APP: variants seen among roughly 807,000 people sequenced by gnomAD.
APP encodes the protein amyloid-beta precursor protein.
APP carries 31 observed loss-of-function variants against 101.4 expected under a neutral mutation model. The observed-to-expected ratio is 0.31, with a 90% CI of 0.23 to 0.41. APP has a LOEUF of 0.41. APP is among the 10% of genes least tolerant of loss of function. The probability of loss-of-function intolerance (pLI) is 1.00; values close to 1 mark genes in which losing one functional copy is unlikely to be tolerated. For missense variants in APP, 839 were observed against 1,003.7 expected (o/e 0.84, Z 2.22); for synonymous variants, 366 against 364.4 (o/e 1.00, Z -0.05).
intron 1 of APP, among the ~76,000 whole-genome samples, chr21:26,161,737 C>T (rs1369576490): frequency 6.6e-6 from 1 of 152,114 alleles, no homozygotes; most frequent in Non-Finnish European, 1.5e-5. Flanking sequence ...ACTGTAATGA[C>T]AAAATTATAT....
At chr21:26,147,933 A>G (rs1196759992) in intron 1 of APP, among the ~76,000 whole-genome samples, 2 of 152,222 alleles carry the variant, frequency 1.3e-5, no homozygotes, top group African/African-American at 4.8e-5. Flanking sequence ...ATGAAATTTA[A>G]GAGCCACCTG....
chr21:26,056,444 TCTTA>T (rs2046044927), intron 3 of APP, among the ~76,000 whole-genome samples: 1 of 152,190 alleles, frequency 6.6e-6, no homozygotes, highest in South Asian at 2.1e-4. Flanking sequence ...AGGATGTTAC[TCTTA>T]CTTTCATCTG....
intron 1 of APP, among the ~76,000 whole-genome samples, chr21:26,160,113 T>G (rs944799752): frequency 1.3e-5 from 2 of 152,092 alleles, no homozygotes; most frequent in African/African-American, 2.4e-5. Context: ...AGCCAAATAC[T>G]CACATGGCTA....
At chr21:26,092,334 C>G (rs2061842100) in intron 2 of APP, among the ~76,000 whole-genome samples, 1 of 152,172 alleles carries the variant, frequency 6.6e-6, no homozygotes, top group Non-Finnish European at 1.5e-5. Flanking sequence ...TGTCATTCAA[C>G]ACTAAAAGGA....
At chr21:26,015,393 T>A (rs982121970) in intron 6 of APP, among the ~76,000 whole-genome samples, 15 of 152,180 alleles carry the variant, frequency 9.9e-5, no homozygotes, top group African/African-American at 3.6e-4. Context: ...GGATAGGTCT[T>A]ATTAATCCCT....
intron 1 of APP, among the ~76,000 whole-genome samples, chr21:26,124,261 T>A (rs551323702): frequency 1.3e-5 from 2 of 152,286 alleles, no homozygotes; most frequent in South Asian, 4.1e-4. Context: ...AGGAGAGTAA[T>A]TTCCTAACAG....
At chr21:26,136,506 G>C (rs1601549519) in intron 1 of APP, among the ~76,000 whole-genome samples, 1 of 152,018 alleles carries the variant, frequency 6.6e-6, no homozygotes, top group African/African-American at 2.4e-5. Flanking sequence ...TGAAATTTGA[G>C]GTATAAGACT....
intron 13 of APP, among the ~76,000 whole-genome samples, chr21:25,953,926 C>T (rs2041200539): frequency 6.6e-6 from 1 of 152,146 alleles, no homozygotes; most frequent in African/African-American, 2.4e-5. Flanking sequence ...ATGCATGAGA[C>T]CTCTCTGTAC....
At chr21:25,903,313 G>A (rs983792964) in intron 15 of APP, among the ~76,000 whole-genome samples, 4 of 147,534 alleles carry the variant, frequency 2.7e-5, no homozygotes, top group African/African-American at 1.0e-4. Context: ...AGGTTGCAGT[G>A]AGTTGAGATC....
intron 1 of APP, among the ~76,000 whole-genome samples, chr21:26,160,737 C>T (rs1271956891): frequency 2.0e-5 from 3 of 152,094 alleles, no homozygotes; most frequent in Non-Finnish European, 2.9e-5. Flanking sequence ...TACACATTTT[C>T]TTTCCAAACT....
chr21:26,148,663 G>A (rs2063202815), intron 1 of APP, among the ~76,000 whole-genome samples: 2 of 152,228 alleles, frequency 1.3e-5, no homozygotes, highest in African/African-American at 4.8e-5. Flanking sequence ...TCCCAGGAGG[G>A]ATGAAGGGTG....
At chr21:25,955,940 G>T (rs1003079915) in intron 11 of APP, among the ~76,000 whole-genome samples, 185 bp from the exon 12 acceptor site, 2 of 152,054 alleles carry the variant, frequency 1.3e-5, no homozygotes, top group African/African-American at 2.4e-5. Flanking sequence ...ACTTAGATCG[G>T]CTGCTTTTCA....
chr21:26,133,404 T>C (rs1249537922), intron 1 of APP, among the ~76,000 whole-genome samples: 1 of 152,218 alleles, frequency 6.6e-6, no homozygotes, highest in African/African-American at 2.4e-5. Context: ...ATGTCTGAAT[T>C]ATTCACAATT....
At position 26,045,605 on chromosome 21, in the gene APP, G is replaced by A. The variant is rs141094725; in HGVS notation, c.662+5395C>T. 3.8e-3 allele frequency among the ~76,000 whole-genome samples: 575 copies of A among 152,196 alleles called. 5 individuals carry two copies. Among genetic ancestry groups the A allele is most frequent in the African/African-American group, 0.013 (547 of 41,514 alleles). ...TGTTTACCAAATAATCTAAAAATAT[G>A]AAACAATAATAATATAAACGGCCCA... On this transcript the variant is annotated intron_variant, in intron 5 of 17. Coordinates refer to ENST00000346798, the MANE Select transcript of APP (RefSeq NM_000484.4).
intron 3 of APP, among the ~76,000 whole-genome samples, chr21:26,072,498 C>T (rs1039551264): frequency 8.5e-5 from 13 of 152,092 alleles, no homozygotes; most frequent in Non-Finnish European, 1.9e-4. Context: ...AAATACTTTT[C>T]AACGTCAAAC....
At chr21:25,952,468 G>A (rs997347737) in intron 13 of APP, among the ~76,000 whole-genome samples, 1 of 151,120 alleles carries the variant, frequency 6.6e-6, no homozygotes, top group Non-Finnish European at 1.5e-5. Flanking sequence ...TTATTGTGCT[G>A]CCCTATTCTT....
chr21:25,962,359 A>G (rs1317564036), intron 11 of APP, among the ~76,000 whole-genome samples: 3 of 152,216 alleles, frequency 2.0e-5, no homozygotes, highest in African/African-American at 7.2e-5. Context: ...CTCTCTGGAA[A>G]CAAGAGCGTA....
intron 8 of APP, among the ~76,000 whole-genome samples, chr21:25,984,667 A>C (rs9305274): frequency 6.6e-6 from 1 of 151,968 alleles, no homozygotes; most frequent in African/African-American, 2.4e-5. Flanking sequence ...CCAACTTGAA[A>C]TGAACATGGT....
At chr21:26,141,671 C>T (rs2146310836) in intron 1 of APP, among the ~76,000 whole-genome samples, 1 of 152,164 alleles carries the variant, frequency 6.6e-6, no homozygotes, top group South Asian at 2.1e-4. Flanking sequence ...TTAATAAATA[C>T]TTGCTGAGTA....
Sources: gnomAD v4.1 joint callset for allele counts (sites outside exome capture counted in the v4.1 genomes callset) on GRCh38, gnomAD v4.1.1 for gene constraint, MANE v1.5 for transcripts, NCBI Gene and HGNC (gene_info 2026-07-23, HGNC 2026-07-21) for gene names.